Variants in AFDN observed in about 807,000 individuals in gnomAD.
AFDN encodes afadin, adherens junction formation factor.
A neutral mutation model predicts 216.6 loss-of-function variants in AFDN; 68 were observed. The observed-to-expected ratio is 0.31, with a 90% CI of 0.26 to 0.38. The LOEUF is 0.38. Among genes scored for constraint, AFDN ranks in the 10% least tolerant of loss-of-function variants. The pLI, the probability that AFDN is intolerant of heterozygous loss-of-function variation, is 1.00. For synonymous variants in AFDN, 868 were observed against 853.7 expected, an observed-to-expected ratio of 1.02 and a Z score of -0.29; for missense variants, 2,136 against 2,342.0, an observed-to-expected ratio of 0.91 and a Z score of 1.82.
chr6:167,923,531 T>G (rs1792090386), intron 22 of AFDN, among the ~76,000 whole-genome samples: 1 of 151,906 alleles, frequency 6.6e-6, no homozygotes. Context: ...ATCATGGCCA[T>G]CTCCAGAAAT....
rs147668165 is a variant in AFDN at position 167,842,771 on chromosome 6, T to C, written c.105+15534T>C. ...GATTTACCTATACTAAAATCCAGTA[T>C]TGATTTTCAATTTTAGATTGGCAGT... is the stretch of plus-strand genomic sequence containing the variant. On this transcript the variant is annotated intron_variant, in intron 1 of 33. Transcript: ENST00000683244. Among the ~76,000 whole-genome samples, 994 of 152,322 alleles carry C rather than the reference T, an allele frequency of 6.5e-3. 14 individuals are homozygous for C. The highest frequency in any genetic ancestry group is 0.023 in the African/African-American group (955 of 41,568).
chr6:167,932,870 T>G (rs1179274198), intron 23 of AFDN: 1 of 152,274 alleles, frequency 6.6e-6, no homozygotes, highest in Non-Finnish European at 1.5e-5. Context: ...ATTAACTTGC[T>G]CATGAAGCAA....
intron 30 of AFDN, among the ~76,000 whole-genome samples, chr6:167,957,676 C>T (rs111758278): frequency 1.3e-5 from 2 of 152,152 alleles, no homozygotes; most frequent in East Asian, 3.9e-4. Context: ...TTTCTCCTGG[C>T]AGAGTACTCT....
chr6:167,843,173 G>A (rs1400834554), intron 1 of AFDN, among the ~76,000 whole-genome samples: 1 of 152,102 alleles, frequency 6.6e-6, no homozygotes, highest in Non-Finnish European at 1.5e-5. Flanking sequence ...CCTCCACATC[G>A]TAAACTTGAT....
intron 26 of AFDN, among the ~76,000 whole-genome samples, chr6:167,944,420 A>G (rs551025413): frequency 6.6e-6 from 1 of 152,154 alleles, no homozygotes; most frequent in Non-Finnish European, 1.5e-5. Context: ...GAATGAATGG[A>G]TTTTCAGTTT....
chr6:167,923,007 G>C, intron 22 of AFDN, 48 bp downstream of exon 22: 3 of 1,296,076 alleles, frequency 2.3e-6, no homozygotes, highest in Admixed American at 1.8e-5. Flanking sequence ...CTTAGGACTT[G>C]AAGATGTGAT....
chr6:167,834,457 G>GTTTTTTTTTTTTTT (rs11446838), intron 1 of AFDN, among the ~76,000 whole-genome samples: 5 of 75,250 alleles, frequency 6.6e-5, no homozygotes, highest in Non-Finnish European at 9.4e-5. Flanking sequence ...TGTTGTTTCG[G>GTTTTTTTTTTTTTT]TTTTTTTTTT....
At position 167,827,115 on chromosome 6, in the gene AFDN, G is replaced by T; in HGVS notation, c.-18G>T. ...TCCGGCCCCGGCCCCGCGCGGCTGA[G>T]GAGGCGCGGCCAGGACCATGTCGGC... On this transcript the variant is annotated 5_prime_UTR_variant, in exon 1 of 34. In the 5' UTR this introduces an upstream ATG that the reference lacks. Transcript: ENST00000683244. The T allele has an allele frequency of 8.1e-7, 1 of 1,238,108 alleles. No homozygotes were observed. The allele number at this position is 1,238,108 out of a possible 1,614,324, so 76.7% of individuals were successfully genotyped here. A position where few individuals can be genotyped will look rare whatever the true frequency, so the allele number is the denominator to read the frequency against.
At position 167,960,301 on chromosome 6, in the gene AFDN, C is replaced by T. The variant is rs540945211; in HGVS notation, c.4834-2132C>T. Among the ~76,000 whole-genome samples the T allele has an allele frequency of 2.0e-5, 3 of 152,330 alleles. No homozygotes were observed. In the East Asian group the frequency reaches 5.8e-4, roughly 29 times the overall value. On this transcript the variant is annotated intron_variant, in intron 30 of 33. Coordinates refer to ENST00000683244, the MANE Select transcript of AFDN (RefSeq NM_001386888.1). ...TACGAATAGTAACTGATGAGCTGAA[C>T]ACAAGTGGAGGCTCCTTGCTGACCG... is the stretch of plus-strand genomic sequence containing the variant.
chr6:167,841,348 C>T lies in AFDN; in HGVS notation c.105+14111C>T, dbSNP rs147031647. On this transcript the variant is annotated intron_variant, in intron 1 of 33. Coordinates refer to ENST00000683244, the MANE Select transcript of AFDN (RefSeq NM_001386888.1). ...TTGTGTAGGTAGCAGGTAGCCAAGG[C>T]GTAGAGGAGACTACAAGGAAAAAGT... 2.7e-3 allele frequency among the ~76,000 whole-genome samples: 407 copies of T among 152,054 alleles called. 4 individuals are homozygous for T. Among genetic ancestry groups the T allele is most frequent in the African/African-American group, 8.8e-3 (364 of 41,462 alleles).
chr6:167,942,807 T>G (rs1794852004), intron 23 of AFDN, among the ~76,000 whole-genome samples: 2 of 152,238 alleles, frequency 1.3e-5, no homozygotes, highest in Non-Finnish European at 2.9e-5. Context: ...GTAAAAATAC[T>G]GTACTAGGTT....
chr6:167,965,044 GCTCT>G (rs1005378599), intron 31 of AFDN: 4 of 1,042,868 alleles, frequency 3.8e-6, no homozygotes, highest in Non-Finnish European at 4.6e-6. Flanking sequence ...TTAGTTCCTG[GCTCT>G]CTAATTTTCT....
intron 22 of AFDN, among the ~76,000 whole-genome samples, chr6:167,924,076 G>A (rs897214513): frequency 3.3e-5 from 5 of 151,514 alleles, no homozygotes; most frequent in African/African-American, 9.7e-5. Flanking sequence ...AGATTCCTCA[G>A]GAGATTTCAG....
At chr6:167,861,339 C>A (rs112098882) in intron 1 of AFDN, among the ~76,000 whole-genome samples, 22,733 of 152,108 alleles carry the variant, frequency 0.15, 3,304 homozygotes, top group African/African-American at 0.38. Context: ...ATGAAATATA[C>A]TAAAACATAG....
chr6:167,847,296 G>A (rs555871078), intron 1 of AFDN, among the ~76,000 whole-genome samples: 12 of 152,228 alleles, frequency 7.9e-5, no homozygotes, highest in African/African-American at 2.4e-4. Context: ...TTTCATTTTT[G>A]TGGTTTTAAG....
At chr6:167,939,493 C>T (rs368087635) in intron 23 of AFDN, among the ~76,000 whole-genome samples, 26 of 152,266 alleles carry the variant, frequency 1.7e-4, no homozygotes, top group East Asian at 1.2e-3. Flanking sequence ...TATCAGCGCT[C>T]CAACTAAAAT....
chr6:167,876,089 T>A (rs1242946945), intron 5 of AFDN, among the ~76,000 whole-genome samples: 3 of 152,238 alleles, frequency 2.0e-5, no homozygotes, highest in Non-Finnish European at 4.4e-5. Flanking sequence ...ACACATTGAA[T>A]GCATGGTCAC....
intron 1 of AFDN, among the ~76,000 whole-genome samples, chr6:167,844,111 A>T (rs754388361): frequency 6.6e-6 from 1 of 152,118 alleles, no homozygotes; most frequent in African/African-American, 2.4e-5. Flanking sequence ...CTATCCAGAC[A>T]TAGCCACTGT....
chr6:167,906,919 C>T lies in AFDN; in HGVS notation c.1651-252C>T, dbSNP rs575327366. ...TGTGTGTGTTACCAGCTTTGCCTGC[C>T]TGTGTTTTAAAGGCAACTCCTAGCT... is the stretch of plus-strand genomic sequence containing the variant. On this transcript the variant is annotated intron_variant, in intron 12 of 33. Transcript: ENST00000683244. Among the ~76,000 whole-genome samples the T allele has an allele frequency of 2.6e-5, 4 of 152,326 alleles. No homozygotes were observed. The East Asian group carries it at 7.7e-4, about 29-fold the overall frequency.
Sources: allele counts gnomAD v4.1 joint callset (sites outside exome capture counted in the v4.1 genomes callset), GRCh38; gene constraint gnomAD v4.1.1; transcripts MANE v1.5; gene names NCBI Gene and HGNC (gene_info 2026-07-23, HGNC 2026-07-21).